Variants in MTMR9 observed in about 807,000 individuals in gnomAD.
The protein encoded by MTMR9 is myotubularin related protein 9.
In MTMR9, 39 loss-of-function variants were observed where a neutral mutation model predicts 69.5. The ratio of observed to expected loss-of-function variants is 0.56; its 90% CI spans 0.43 to 0.73. The LOEUF (loss-of-function observed/expected upper bound fraction) is 0.73. Among genes scored for constraint, MTMR9 ranks in the 30% least tolerant of loss-of-function variants. MTMR9 has a pLI of 0.00. For missense variants in MTMR9, 900 were observed against 671.2 expected (o/e 1.34, Z -3.77); for synonymous variants, 354 against 240.8 (o/e 1.47, Z -4.35).
chr8:11,306,204 T>C lies in MTMR9; in HGVS notation c.606T>C (p.Ser202=). The C allele has an allele frequency of 2.5e-6, 4 of 1,612,970 alleles. No homozygotes were observed. Among genetic ancestry groups the C allele is most frequent in the Non-Finnish European group, 3.4e-6 (4 of 1,179,876 alleles). Residue 202 remains serine, a synonymous_variant, in exon 5 of 10, where the codon AGT becomes AGC. Coordinates refer to ENST00000221086, the MANE Select transcript of MTMR9 (RefSeq NM_015458.4). ...HKKNGMVIMR[S]GQPLTGTNGR... ...TATGCTTCTAGGTAATTATGCGAAG[T>C]GGTCAGCCACTCACTGGTACAAACG...
intron 2 of MTMR9, among the ~76,000 whole-genome samples, chr8:11,299,026 A>G (rs1799659744): frequency 6.6e-6 from 1 of 152,142 alleles, no homozygotes; most frequent in African/African-American, 2.4e-5. Flanking sequence ...ACCTATGTAG[A>G]GCATGTCATA....
At position 11,326,967 on chromosome 8, in the gene MTMR9, C is replaced by T. The variant is rs1450678482; in HGVS notation, c.*4179C>T. On this transcript the variant is annotated 3_prime_UTR_variant, in exon 10 of 10. Coordinates refer to ENST00000221086, the MANE Select transcript of MTMR9 (RefSeq NM_015458.4). The stretch of plus-strand genomic sequence containing the variant: ...CCTGGGCGAAAGGGCAAGACTCCAT[C>T]TCAAAAAAAAAAAAAAAAAAAGACT... 1 of 87,176 alleles carries T rather than the reference C, an allele frequency of 1.1e-5. No individual in the cohort carries two copies. The highest frequency in any genetic ancestry group is 2.3e-5 in the Non-Finnish European group (1 of 43,772). The allele number at this position is 87,176 out of a possible 1,614,324, so 5.4% of individuals were successfully genotyped here. A position where few individuals can be genotyped will look rare whatever the true frequency, so the allele number is the denominator to read the frequency against.
Position 11,326,385 on chromosome 8 carries a change from G to A in MTMR9, c.*3597G>A, listed in dbSNP as rs1461052007. On this transcript the variant is annotated 3_prime_UTR_variant, in exon 10 of 10. Transcript: ENST00000221086. ...AAGGTATTTCCTGGACCAGAAATGG[G>A]CAATAGTTACAATAGTTGATCCTCT... is the stretch of plus-strand genomic sequence containing the variant. 3 of 152,206 alleles carry A rather than the reference G, an allele frequency of 2.0e-5. No homozygotes were observed. Among genetic ancestry groups the A allele is most frequent in the Non-Finnish European group, 4.4e-5 (3 of 68,046 alleles). The allele number at this position is 152,206 out of a possible 1,614,324, so 9.4% of individuals were successfully genotyped here.
intron 2 of MTMR9, chr8:11,299,016 A>G (rs58977253): frequency 4.3e-6 from 2 of 464,884 alleles, no homozygotes; most frequent in Middle Eastern, 1.1e-3. Flanking sequence ...TGGAATTTCT[A>G]CCTATGTAGA....
At chr8:11,337,049 A>G in the MTMR9 span, among the ~76,000 whole-genome samples, 1 of 152,132 alleles carries the variant, frequency 6.6e-6, no homozygotes, top group Non-Finnish European at 1.5e-5. Flanking sequence ...TTTTGCTGCA[A>G]AATCTTAGAG....
chr8:11,285,222 G>A, intron 1 of MTMR9, 152 bp downstream of exon 1: 1 of 739,704 alleles, frequency 1.4e-6, no homozygotes, highest in South Asian at 2.0e-5. Context: ...TTACCAAGCT[G>A]AAACCCGTCC....
the MTMR9 span, among the ~76,000 whole-genome samples, chr8:11,333,687 A>T: frequency 6.6e-6 from 1 of 152,246 alleles, no homozygotes; most frequent in Non-Finnish European, 1.5e-5. Flanking sequence ...TAAAAAAGCA[A>T]TTATAAATCT....
At chr8:11,336,785 G>A in the MTMR9 span, among the ~76,000 whole-genome samples, 1 of 152,186 alleles carries the variant, frequency 6.6e-6, no homozygotes, top group Non-Finnish European at 1.5e-5. Context: ...AAGTAAGTGT[G>A]AAAGGGATCG....
rs1334079857 is a variant in MTMR9 at position 11,327,802 on chromosome 8, G to C, written c.*5014G>C. 6.6e-6 allele frequency: 1 copy of C among 152,430 alleles called. No homozygotes were observed. Among genetic ancestry groups the C allele is most frequent in the Non-Finnish European group, 1.5e-5 (1 of 68,006 alleles). 9.4% of individuals were successfully genotyped at this position (152,430 alleles called of 1,614,324 possible). On this transcript the variant is annotated 3_prime_UTR_variant, in exon 10 of 10. Transcript: ENST00000221086. Reference sequence around the variant, plus strand: ...GCTGTAAGGTACAGGTTTCCATATTGTGAACCTGTGTACGCACACACACAT... The same window carrying C: ...GCTGTAAGGTACAGGTTTCCATATTCTGAACCTGTGTACGCACACACACAT...
At chr8:11,331,713 C>T (rs1387100982), downstream of MTMR9, 9 of 1,611,876 alleles carry the variant, frequency 5.6e-6, no homozygotes, top group South Asian at 4.4e-5. Flanking sequence ...AGGCCTGGCG[C>T]TGTCCCTGGG....
intron 6 of MTMR9, among the ~76,000 whole-genome samples, chr8:11,313,944 C>T (rs898088798): frequency 5.3e-5 from 8 of 152,222 alleles, no homozygotes; most frequent in African/African-American, 1.9e-4. Context: ...AGCTGCAAAT[C>T]TCCCATTTGT....
the MTMR9 span, among the ~76,000 whole-genome samples, chr8:11,338,191 G>C: frequency 6.6e-6 from 1 of 152,256 alleles, no homozygotes; most frequent in Non-Finnish European, 1.5e-5. Context: ...AGTAAATGAA[G>C]TGGGGATGCC....
intron 1 of MTMR9, among the ~76,000 whole-genome samples, chr8:11,287,991 T>C (rs1183239369): frequency 2.4e-5 from 3 of 123,606 alleles, no homozygotes; most frequent in African/African-American, 3.0e-5. Flanking sequence ...ATATAATATA[T>C]ATTACATATA....
rs534439899 is a variant in MTMR9, at chr8:11,302,886, G to T, written c.418-1955G>T. Among the ~76,000 whole-genome samples the T allele has an allele frequency of 3.3e-5, 5 of 152,008 alleles. No homozygotes were observed. The East Asian group carries it at 7.7e-4, about 24-fold the overall frequency. On this transcript the variant is annotated intron_variant, in intron 3 of 9. Transcript: ENST00000221086. ...AGTTAAAATGCAACAAAGATTATTG[G>T]GTTTCTAGGAATATATCTAAGAAAA...
downstream of MTMR9, chr8:11,331,152 C>T (rs745523584): frequency 1.1e-5 from 17 of 1,611,224 alleles, no homozygotes; most frequent in Non-Finnish European, 1.4e-5. Flanking sequence ...CTCCACACAC[C>T]CATCGCCGCC....
At chr8:11,286,953 A>G (rs1799185379) in intron 1 of MTMR9, among the ~76,000 whole-genome samples, 1 of 152,104 alleles carries the variant, frequency 6.6e-6, no homozygotes, top group Non-Finnish European at 1.5e-5. Context: ...TTTGTTTAAC[A>G]TTTGCCAAAT....
chr8:11,319,517 C>T (rs1244584736), intron 8 of MTMR9, 170 bp from the exon 9 acceptor site: 5 of 648,570 alleles, frequency 7.7e-6, no homozygotes, highest in South Asian at 4.0e-5. Context: ...GTTCTAATGC[C>T]GATTGAGCTT....
intron 1 of MTMR9, among the ~76,000 whole-genome samples, chr8:11,293,464 G>A (rs1048976889): frequency 5.3e-4 from 81 of 152,298 alleles, no homozygotes; most frequent in African/African-American, 1.8e-3. Flanking sequence ...GTAGCCTGTT[G>A]ATGAAGTCCT....
At position 11,309,537 on chromosome 8, in the gene MTMR9, C is replaced by G. The variant is rs865949990; in HGVS notation, c.820C>G (p.Leu274Val). Residue 274 changes from leucine to valine, a missense_variant, in exon 6 of 10, where the codon CTT becomes GTT. By Grantham distance (32) the Leu-to-Val change is conservative (BLOSUM62 1). Transcript: ENST00000221086. The stretch of plus-strand genomic sequence containing the variant: ...TCTTACTTTTAAAAGGTATCACATT[C>G]TTCAGGAGAGCTTAATCAAACTTGT... ...IHKSIERYHI[L>V]QESLIKLVEA... The G allele has an allele frequency of 6.2e-7, 1 of 1,612,598 alleles. No individual in the cohort carries two copies. Among genetic ancestry groups the G allele is most frequent in the South Asian group, 1.1e-5 (1 of 90,962 alleles).
Sources: gnomAD v4.1 joint callset for allele counts (sites outside exome capture counted in the v4.1 genomes callset) on GRCh38, gnomAD v4.1.1 for gene constraint, MANE v1.5 for transcripts, NCBI Gene and HGNC (gene_info 2026-07-23, HGNC 2026-07-21) for gene names.